CACNA1D: variants seen among roughly 807,000 people sequenced by gnomAD.
CACNA1D encodes the protein calcium voltage-gated channel subunit alpha1 D.
A neutral mutation model predicts 257.1 loss-of-function variants in CACNA1D; 55 were observed. The observed-to-expected ratio is 0.21, with a 90% CI of 0.17 to 0.27. The LOEUF (loss-of-function observed/expected upper bound fraction) is 0.27. Ranked by LOEUF, CACNA1D falls within the 10% of genes least tolerant of loss-of-function variation. The probability of loss-of-function intolerance (pLI) is 1.00; values close to 1 mark genes in which losing one functional copy is unlikely to be tolerated. For missense variants in CACNA1D, 1,876 were observed against 2,784.0 expected, an observed-to-expected ratio of 0.67 and a Z score of 7.34; for synonymous variants, 980 against 1,014.9, an observed-to-expected ratio of 0.97 and a Z score of 0.65.
At chr3:53,635,386 T>G (rs996080778) in intron 3 of CACNA1D, among the ~76,000 whole-genome samples, 1 of 152,072 alleles carries the variant, frequency 6.6e-6, no homozygotes, top group South Asian at 2.1e-4. Flanking sequence ...GGGATGCTGG[T>G]GGGTGGGTTG....
chr3:53,610,921 GTA>G (rs1490044609), intron 3 of CACNA1D, among the ~76,000 whole-genome samples: 2 of 152,100 alleles, frequency 1.3e-5, no homozygotes, highest in Admixed American at 6.5e-5. Flanking sequence ...TTTCTGTAGT[GTA>G]TTTCTGTTGG....
intron 3 of CACNA1D, among the ~76,000 whole-genome samples, chr3:53,541,340 A>T (rs1216576276): frequency 1.3e-5 from 2 of 152,238 alleles, no homozygotes; most frequent in Non-Finnish European, 2.9e-5. Context: ...ACCTGTATTA[A>T]TGACAATATG....
intron 29 of CACNA1D, among the ~76,000 whole-genome samples, chr3:53,760,239 G>A (rs2095293045): frequency 6.6e-6 from 1 of 152,144 alleles, no homozygotes; most frequent in South Asian, 2.1e-4. Flanking sequence ...TAGACTGATG[G>A]ATGGTGACTA....
intron 4 of CACNA1D, among the ~76,000 whole-genome samples, chr3:53,653,345 A>G (rs2094117104): frequency 6.6e-6 from 1 of 152,178 alleles, no homozygotes; most frequent in African/African-American, 2.4e-5. Flanking sequence ...GACACTGAAC[A>G]TATGAAGAAA....
chr3:53,692,961 G>A (rs2094541412), intron 8 of CACNA1D, among the ~76,000 whole-genome samples: 1 of 152,190 alleles, frequency 6.6e-6, no homozygotes, highest in African/African-American at 2.4e-5. Context: ...GGGAGGCTGA[G>A]GCACAAGAAT....
chr3:53,673,662 C>A lies in CACNA1D; in HGVS notation c.1220+536C>A. The stretch of plus-strand genomic sequence containing the variant: ...AGGTTTGGCAGCTGCAACTGGGGCT[C>A]TGCTCTTTAGTAAATGGATAACTGA... On this transcript the variant is annotated intron_variant, in intron 8 of 47. Transcript: ENST00000350061. The surrounding 1 kb of genome is among the most constrained non-coding windows in gnomAD (Gnocchi z 4.1). The A allele has an allele frequency of 7.3e-7, 1 of 1,379,238 alleles. No individual in the cohort carries two copies. The highest frequency in any genetic ancestry group is 2.3e-5 in the East Asian group (1 of 43,852). 85.4% of individuals were successfully genotyped at this position (1,379,238 alleles called of 1,614,324 possible). A position where few individuals can be genotyped will look rare whatever the true frequency, so the allele number is the denominator to read the frequency against.
chr3:53,736,055 A>G lies in CACNA1D; in HGVS notation c.2751+552A>G, dbSNP rs1462258658. Reference sequence around the variant, plus strand: ...GTTGAGGTGTTCAGTGGAGAAGAACATTAGGCCAGGTGCACTGGCTCACAC... The same window carrying G: ...GTTGAGGTGTTCAGTGGAGAAGAACGTTAGGCCAGGTGCACTGGCTCACAC... On this transcript the variant is annotated intron_variant, in intron 20 of 47. Coordinates refer to ENST00000350061, the MANE Select transcript of CACNA1D (RefSeq NM_001128840.3). 2.0e-5 allele frequency among the ~76,000 whole-genome samples: 3 copies of G among 152,316 alleles called. No homozygotes were observed. The East Asian group carries it at 5.8e-4, about 29-fold the overall frequency.
In CACNA1D at chr3:53,763,183, C is replaced by T. The variant is rs1212249471; in HGVS notation, c.3870+1102C>T. On this transcript the variant is annotated intron_variant, in intron 30 of 47. Transcript: ENST00000350061. The stretch of plus-strand genomic sequence containing the variant: ...CCCACACCCAAAGGGTGATGCCAGC[C>T]AGTGGAAGGCTGCTTGGGGCCAGGG... Among the ~76,000 whole-genome samples, 2 of 152,214 alleles carry T rather than the reference C, an allele frequency of 1.3e-5. 1 individual carries two copies. Among genetic ancestry groups the T allele is most frequent in the African/African-American group, 4.8e-5 (2 of 41,448 alleles).
chr3:53,691,800 T>TA (rs2094526394), intron 8 of CACNA1D, among the ~76,000 whole-genome samples: 1 of 102,428 alleles, frequency 9.8e-6, no homozygotes, highest in Non-Finnish European at 1.9e-5. Flanking sequence ...ATATATTACA[T>TA]ATATAATATA....
At chr3:53,556,723 T>A (rs544381673) in intron 3 of CACNA1D, among the ~76,000 whole-genome samples, 37 of 151,660 alleles carry the variant, frequency 2.4e-4, no homozygotes, top group East Asian at 5.8e-4. Flanking sequence ...TTTTTTTTTT[T>A]AATTTTTTTT....
chr3:53,809,863 C>A, intron 46 of CACNA1D, 115 bp from the exon 47 acceptor site: 1 of 919,466 alleles, frequency 1.1e-6, no homozygotes, highest in Non-Finnish European at 1.8e-6. Context: ...CTTTCCAAGT[C>A]CTTGCCTGGA....
At chr3:53,685,958 T>C (rs1195063425) in intron 8 of CACNA1D, among the ~76,000 whole-genome samples, 2 of 151,932 alleles carry the variant, frequency 1.3e-5, no homozygotes, top group African/African-American at 2.4e-5. Flanking sequence ...ATAAAGTTAT[T>C]TAGAAAGCGT....
At chr3:53,618,110 C>T (rs1405127698) in intron 3 of CACNA1D, among the ~76,000 whole-genome samples, 1 of 152,142 alleles carries the variant, frequency 6.6e-6, no homozygotes, top group African/African-American at 2.4e-5. Flanking sequence ...GGGGTTGGAC[C>T]TGTAGGGACC....
intron 4 of CACNA1D, 60 bp downstream of exon 4, chr3:53,650,978 G>GA: frequency 6.9e-7 from 1 of 1,442,452 alleles, no homozygotes; most frequent in Non-Finnish European, 9.7e-7. Context: ...GAGGTTGGGG[G>GA]GGGTGGTGGT....
At chr3:53,638,692 A>G (rs776504539) in intron 3 of CACNA1D, among the ~76,000 whole-genome samples, 1 of 152,226 alleles carries the variant, frequency 6.6e-6, no homozygotes, top group South Asian at 2.1e-4. Context: ...CCAAGTCTGC[A>G]TAGCTAATAA....
intron 3 of CACNA1D, among the ~76,000 whole-genome samples, chr3:53,628,819 T>C (rs1023058884): frequency 3.3e-5 from 5 of 152,214 alleles, no homozygotes; most frequent in Non-Finnish European, 7.3e-5. Flanking sequence ...AAAATGTTTG[T>C]GTTTGCAAAG....
chr3:53,810,814 C>T (rs1456165739), intron 47 of CACNA1D, among the ~76,000 whole-genome samples: 2 of 144,438 alleles, frequency 1.4e-5, no homozygotes, highest in African/African-American at 5.2e-5. Flanking sequence ...CGTCAATTCT[C>T]ATAAATGAGC....
At chr3:53,562,193 C>T (rs1206040915) in intron 3 of CACNA1D, among the ~76,000 whole-genome samples, 1 of 152,168 alleles carries the variant, frequency 6.6e-6, no homozygotes, top group Admixed American at 6.5e-5. Context: ...GCAATTGTCA[C>T]AAATATTGAG....
chr3:53,590,270 C>T (rs2093284056), intron 3 of CACNA1D, among the ~76,000 whole-genome samples: 2 of 152,242 alleles, frequency 1.3e-5, no homozygotes, highest in South Asian at 4.1e-4. Context: ...CCCCAGATGG[C>T]TCCTCCCTCA....
Sources: gnomAD v4.1 joint callset for allele counts (sites outside exome capture counted in the v4.1 genomes callset) on GRCh38, gnomAD v4.1.1 for gene constraint, Gnocchi (gnomAD v3.1) non-coding constraint, MANE v1.5 for transcripts, NCBI Gene and HGNC (gene_info 2026-07-23, HGNC 2026-07-21) for gene names.